SLC35A5: variants seen among roughly 807,000 people sequenced by gnomAD.
SLC35A5 encodes UDP-sugar transporter protein SLC35A5.
A neutral mutation model predicts 36.3 loss-of-function variants in SLC35A5; 28 were observed. The observed-to-expected ratio is 0.77, with a 90% CI of 0.57 to 1.06. SLC35A5 has a LOEUF of 1.06. Among genes scored for constraint, SLC35A5 ranks in the 50% least tolerant of loss-of-function variants. SLC35A5 has a pLI of 0.00. For synonymous variants in SLC35A5, 180 were observed against 173.7 expected (o/e 1.04, Z -0.29); for missense variants, 521 against 499.3 (o/e 1.04, Z -0.41).
intron 3 of SLC35A5, chr3:112,570,302 T>C: frequency 3.4e-6 from 1 of 291,972 alleles, no homozygotes. Context: ...TTATTCTGAG[T>C]TGCCTTAAGT....
At chr3:112,577,092 G>GAA (rs11483243) in intron 5 of SLC35A5, among the ~76,000 whole-genome samples, 28 of 145,604 alleles carry the variant, frequency 1.9e-4, no homozygotes, top group South Asian at 2.1e-4. Flanking sequence ...AATTTTTTAA[G>GAA]AAAAAAAAAA....
intron 6 of SLC35A5, 93 bp downstream of exon 6, chr3:112,581,419 C>A (rs1320579896): frequency 3.2e-6 from 4 of 1,264,328 alleles, no homozygotes; most frequent in South Asian, 1.5e-5. Flanking sequence ...ACTGATTTGT[C>A]AAAGAATGTA....
intron 6 of SLC35A5, 78 bp from the exon 7 acceptor site, chr3:112,582,593 T>G: frequency 3.6e-6 from 3 of 839,024 alleles, no homozygotes; most frequent in Non-Finnish European, 5.7e-6. Flanking sequence ...AGACCAGTGA[T>G]TTGTTAGTAA....
chr3:112,580,951 T>G lies in SLC35A5; in HGVS notation c.834T>G (p.Phe278Leu), dbSNP rs774992635. 6.2e-7 allele frequency: 1 copy of G among 1,614,168 alleles called. No homozygotes were observed. The highest frequency in any genetic ancestry group is 1.1e-5 in the South Asian group (1 of 91,088). The change falls in exon 6 of 7, where the codon TTT (phenylalanine) becomes TTG (leucine). Residue 278 changes from phenylalanine (F) to leucine (L), a missense_variant. Coordinates refer to ENST00000492406, the MANE Select transcript of SLC35A5 (RefSeq NM_017945.5). ...NSKLYFFGIL[F>L]NGLTLGLQRS... ...AACTCTATTTCTTTGGCATTCTGTT[T>G]AATGGGCTGACTCTGGGCCTTCAGA...
In SLC35A5 at chr3:112,562,277, A is replaced by T. The variant is rs1303098554; in HGVS notation, c.-20+4A>T. 2.6e-5 allele frequency: 4 copies of T among 152,574 alleles called. No individual in the cohort carries two copies. Among genetic ancestry groups the T allele is most frequent in the Admixed American group, 2.0e-4 (3 of 15,290 alleles). 9.5% of individuals were successfully genotyped at this position (152,574 alleles called of 1,614,324 possible). On this transcript the variant is annotated splice_donor_region_variant and intron_variant, in intron 1 of 6. Transcript: ENST00000492406. The stretch of plus-strand genomic sequence containing the variant: ...ACTAGAAGCTCTTCTGAGGGAGGTA[A>T]CCGCGCCCCGCGGGCAAGGAATTGC...
chr3:112,572,892 A>T (rs140054974), intron 4 of SLC35A5, among the ~76,000 whole-genome samples: 1 of 152,314 alleles, frequency 6.6e-6, no homozygotes, highest in Non-Finnish European at 1.5e-5. Context: ...CTTCACAGCC[A>T]CTTTCCTCTT....
intron 1 of SLC35A5, 101 bp from the exon 2 acceptor site, chr3:112,563,284 C>A: frequency 8.9e-7 from 1 of 1,122,520 alleles, no homozygotes; most frequent in Non-Finnish European, 1.2e-6. Flanking sequence ...ATAGTCATAG[C>A]CAAAATTTTT....
intron 5 of SLC35A5, among the ~76,000 whole-genome samples, chr3:112,574,176 T>C (rs777335454): frequency 1.8e-4 from 27 of 152,222 alleles, no homozygotes; most frequent in Admixed American, 3.9e-4. Flanking sequence ...CTTGAGCATC[T>C]TAAAAATAAG....
intron 6 of SLC35A5, among the ~76,000 whole-genome samples, chr3:112,582,363 A>G (rs1934965881): frequency 6.6e-6 from 1 of 152,152 alleles, no homozygotes; most frequent in Non-Finnish European, 1.5e-5. Flanking sequence ...AAGAAAATCT[A>G]TATAGGTAAC....
At chr3:112,573,749 C>T in intron 4 of SLC35A5, 140 bp from the exon 5 acceptor site, 1 of 666,818 alleles carries the variant, frequency 1.5e-6, no homozygotes, top group Non-Finnish European at 2.7e-6. Context: ...GGAATTTAAT[C>T]CTTAGTTGAA....
chr3:112,562,844 A>G (rs913160391), intron 1 of SLC35A5, among the ~76,000 whole-genome samples: 7 of 151,950 alleles, frequency 4.6e-5, no homozygotes, highest in African/African-American at 1.7e-4. Flanking sequence ...CGGGCGGATC[A>G]CAGTCAGGAG....
chr3:112,585,492 C>T lies in SLC35A5; in HGVS notation c.*2756C>T, dbSNP rs1935113623. On this transcript the variant is annotated 3_prime_UTR_variant, in exon 7 of 7. Coordinates refer to ENST00000492406, the MANE Select transcript of SLC35A5 (RefSeq NM_017945.5). ...GGGTCCACTAGAAGCCCAAACTTCA[C>T]CATTATGCAATGTACCATATATACG... 6.6e-6 allele frequency: 1 copy of T among 152,042 alleles called. No individual in the cohort carries two copies. Among genetic ancestry groups the T allele is most frequent in the Non-Finnish European group, 1.5e-5 (1 of 68,010 alleles). 9.4% of individuals were successfully genotyped at this position (152,042 alleles called of 1,614,324 possible). A position where few individuals can be genotyped will look rare whatever the true frequency, so the allele number is the denominator to read the frequency against.
Position 112,569,213 on chromosome 3 carries a change from CAG to C in SLC35A5, c.175_176del (p.Glu59ThrfsTer22). The C allele has an allele frequency of 6.2e-7, 1 of 1,613,870 alleles. No individual in the cohort carries two copies. The highest frequency in any genetic ancestry group is 8.5e-7 in the Non-Finnish European group (1 of 1,179,926). ...CTTCCAACTACTGTGAATGTGTGCT[CAG>C]AACTGGTGAAGCTAGTTTTCTGTGT... On this transcript the variant is annotated frameshift_variant, in exon 3 of 7. Transcript: ENST00000492406. LOFTEE classifies it high-confidence loss of function.
At chr3:112,564,501 C>T (rs1934100015) in intron 2 of SLC35A5, 1 of 152,264 alleles carries the variant, frequency 6.6e-6, no homozygotes, top group Non-Finnish European at 1.5e-5. Context: ...ATGGAATATA[C>T]AATCGGGTTT....
At chr3:112,575,202 C>T (rs1038009368) in intron 5 of SLC35A5, among the ~76,000 whole-genome samples, 1 of 152,034 alleles carries the variant, frequency 6.6e-6, no homozygotes, top group African/African-American at 2.4e-5. Context: ...ATAAAAGGAT[C>T]ACGATTTAAT....
At position 112,570,648 on chromosome 3, in the gene SLC35A5, A is replaced by C. The variant is rs1404512735; in HGVS notation, c.338A>C (p.Tyr113Ser). The C allele has an allele frequency of 6.2e-7, 1 of 1,610,376 alleles. No individual in the cohort carries two copies. Among genetic ancestry groups the C allele is most frequent in the East Asian group, 2.2e-5 (1 of 44,498 alleles). The change falls in exon 4 of 7, where the codon TAT becomes TCT. Residue 113 changes from tyrosine (Y) to serine (S), a missense_variant. By Grantham distance (144) the Tyr-to-Ser change is moderately radical (BLOSUM62 -2). Coordinates refer to ENST00000492406, the MANE Select transcript of SLC35A5 (RefSeq NM_017945.5). ...LYFLDNLIVF[Y>S]VLSYLQPAMA... ...TTCCTGGATAACTTGATTGTCTTCT[A>C]TGTCCTGTCCTATCTTCAACCAGTA...
At chr3:112,562,338 C>G (rs950453243) in intron 1 of SLC35A5, 65 bp downstream of exon 1, 1 of 152,340 alleles carries the variant, frequency 6.6e-6, no homozygotes, top group African/African-American at 2.4e-5. Flanking sequence ...CAGTGAAGAG[C>G]CCTACTGCGC....
chr3:112,569,763 C>T (rs1271017082), intron 3 of SLC35A5, among the ~76,000 whole-genome samples: 1 of 151,654 alleles, frequency 6.6e-6, no homozygotes, highest in South Asian at 2.1e-4. Context: ...AGTATATAGC[C>T]TTCCATGGAA....
intron 2 of SLC35A5, among the ~76,000 whole-genome samples, chr3:112,567,024 A>T (rs1402814745): frequency 6.6e-6 from 1 of 152,030 alleles, no homozygotes; most frequent in Admixed American, 6.6e-5. Context: ...CAGGAGATCA[A>T]GACCATCCTG....
Sources: allele counts gnomAD v4.1 joint callset (sites outside exome capture counted in the v4.1 genomes callset), GRCh38; gene constraint gnomAD v4.1.1; transcripts MANE v1.5; gene names NCBI Gene and HGNC (gene_info 2026-07-23, HGNC 2026-07-21).